The following RAB7A variants were observed in gnomAD, a reference collection of about 807,000 sequenced individuals.
The protein encoded by RAB7A is RAB7A, member RAS oncogene family, also known as ras-related protein Rab-7a.
In RAB7A, 2 loss-of-function variants were observed where a neutral mutation model predicts 24.5. The observed-to-expected ratio is 0.08, with a 90% CI of 0.03 to 0.26. The LOEUF (loss-of-function observed/expected upper bound fraction) is 0.26. Ranked by LOEUF, RAB7A falls within the 10% of genes least tolerant of loss-of-function variation. The probability of loss-of-function intolerance (pLI) is 1.00; values close to 1 mark genes in which losing one functional copy is unlikely to be tolerated. For synonymous variants in RAB7A, 100 were observed against 95.9 expected, an observed-to-expected ratio of 1.04 and a Z score of -0.25; for missense variants, 118 against 255.7, an observed-to-expected ratio of 0.46 and a Z score of 3.67.
chr3:128,807,007 CTT>C (rs1325737817), intron 4 of RAB7A, among the ~76,000 whole-genome samples: 1 of 152,224 alleles, frequency 6.6e-6, no homozygotes, highest in African/African-American at 2.4e-5. Flanking sequence ...AACATAGACT[CTT>C]TGATTAATTA....
intron 1 of RAB7A, among the ~76,000 whole-genome samples, chr3:128,781,513 T>A (rs1933221265): frequency 6.6e-6 from 1 of 151,162 alleles, no homozygotes; most frequent in East Asian, 2.0e-4. Flanking sequence ...TACCAAAAAA[T>A]TTTTCAAAAA....
chr3:128,791,312 T>C (rs1933448066), intron 1 of RAB7A, among the ~76,000 whole-genome samples: 1 of 152,170 alleles, frequency 6.6e-6, no homozygotes, highest in African/African-American at 2.4e-5. Context: ...GCTAATTTTT[T>C]GTATTTTTGG....
chr3:128,787,539 T>C (rs1461049378), intron 1 of RAB7A, among the ~76,000 whole-genome samples: 1 of 152,236 alleles, frequency 6.6e-6, no homozygotes, highest in Non-Finnish European at 1.5e-5. Flanking sequence ...GCTCTGCCAC[T>C]TCGTTGCTGT....
chr3:128,763,208 A>ATATATATATT (rs373993932), intron 1 of RAB7A, among the ~76,000 whole-genome samples: 8 of 76,106 alleles, frequency 1.1e-4, no homozygotes, highest in African/African-American at 5.7e-4. Flanking sequence ...ATATATATAT[A>ATATATATATT]TTTTTTTTTT....
At chr3:128,759,902 G>C (rs2107595676) in intron 1 of RAB7A, among the ~76,000 whole-genome samples, 1 of 152,166 alleles carries the variant, frequency 6.6e-6, no homozygotes, top group African/African-American at 2.4e-5. Flanking sequence ...TAGAGACGGG[G>C]TTTCTCCATA....
At chr3:128,746,655 A>G (rs572704755) in intron 1 of RAB7A, among the ~76,000 whole-genome samples, 1 of 151,998 alleles carries the variant, frequency 6.6e-6, no homozygotes, top group East Asian at 1.9e-4. Context: ...CAGCCTCCCG[A>G]GTAGCTGGGA....
At chr3:128,727,177 T>A (rs2070388649) in intron 1 of RAB7A, among the ~76,000 whole-genome samples, 1 of 152,198 alleles carries the variant, frequency 6.6e-6, no homozygotes, top group African/African-American at 2.4e-5. Context: ...GGCAAGACCT[T>A]TTAACAGATC....
chr3:128,771,073 G>T (rs2070880864), intron 1 of RAB7A, among the ~76,000 whole-genome samples: 1 of 151,786 alleles, frequency 6.6e-6, no homozygotes, highest in African/African-American at 2.4e-5. Context: ...GGGTTCAAGC[G>T]ATTTTCCCAC....
chr3:128,803,947 G>T (rs1933749861), intron 3 of RAB7A, among the ~76,000 whole-genome samples: 2 of 152,142 alleles, frequency 1.3e-5, no homozygotes, highest in African/African-American at 2.4e-5. Context: ...AAAACATTTT[G>T]AAACAAGCAG....
At chr3:128,742,264 C>A (rs1305955741) in intron 1 of RAB7A, among the ~76,000 whole-genome samples, 1 of 152,122 alleles carries the variant, frequency 6.6e-6, no homozygotes, top group African/African-American at 2.4e-5. Context: ...AGGAGTGAAG[C>A]TGCAGACCTT....
chr3:128,726,717 A>G (rs904640743), intron 1 of RAB7A, among the ~76,000 whole-genome samples: 1 of 152,088 alleles, frequency 6.6e-6, no homozygotes, highest in Admixed American at 6.5e-5. Context: ...CGCGGCGAGC[A>G]GGAGGGTGTC....
intron 1 of RAB7A, among the ~76,000 whole-genome samples, chr3:128,772,529 T>A (rs1288253455): frequency 2.0e-5 from 3 of 152,224 alleles, no homozygotes; most frequent in Non-Finnish European, 4.4e-5. Flanking sequence ...TTATGCCTAA[T>A]CTGTTAGTGT....
chr3:128,813,285 C>G (rs1429289453), intron 5 of RAB7A, 42 bp from the exon 6 acceptor site: 2 of 1,568,138 alleles, frequency 1.3e-6, no homozygotes, highest in Non-Finnish European at 1.8e-6. Context: ...TGAAATGTTT[C>G]TATTCCCTGA....
intron 5 of RAB7A, among the ~76,000 whole-genome samples, 185 bp from the exon 6 acceptor site, chr3:128,813,142 C>T (rs887234496): frequency 1.3e-5 from 2 of 152,224 alleles, no homozygotes; most frequent in Non-Finnish European, 2.9e-5. Flanking sequence ...TCTCTTGCTA[C>T]TCCCCTGAGC....
In RAB7A at chr3:128,803,730, A is replaced by C. The variant is rs189929265; in HGVS notation, c.181-2642A>C. Reference sequence around the variant, plus strand: ...AACTGTTAACTTTTGGGAATGAAAAAAGACAAGTTGCAAAAAGCTGTACAG... The same window carrying C: ...AACTGTTAACTTTTGGGAATGAAAACAGACAAGTTGCAAAAAGCTGTACAG... On this transcript the variant is annotated intron_variant, in intron 3 of 5. Transcript: ENST00000265062. Among the ~76,000 whole-genome samples the C allele has an allele frequency of 2.2e-3, 339 of 152,318 alleles. 3 individuals carry two copies. The highest frequency in any genetic ancestry group is 7.9e-3 in the African/African-American group (328 of 41,568).
At chr3:128,792,859 T>TCA (rs1406877239) in intron 1 of RAB7A, among the ~76,000 whole-genome samples, 61 of 147,958 alleles carry the variant, frequency 4.1e-4, no homozygotes, top group Non-Finnish European at 7.1e-4. Flanking sequence ...ATTTATTTAT[T>TCA]TATTCATTTG....
At chr3:128,747,554 C>T (rs1014911575) in intron 1 of RAB7A, among the ~76,000 whole-genome samples, 3 of 151,276 alleles carry the variant, frequency 2.0e-5, no homozygotes, top group African/African-American at 7.4e-5. Context: ...CCATTGCACT[C>T]CAGCCTGGGC....
At chr3:128,727,618 A>G (rs548701517) in intron 1 of RAB7A, among the ~76,000 whole-genome samples, 1 of 152,368 alleles carries the variant, frequency 6.6e-6, no homozygotes, top group South Asian at 2.1e-4. Flanking sequence ...AAAATTTTGC[A>G]GGTAGGCCTG....
At chr3:128,765,820 G>A (rs1037739026) in intron 1 of RAB7A, among the ~76,000 whole-genome samples, 2 of 150,370 alleles carry the variant, frequency 1.3e-5, no homozygotes, top group Non-Finnish European at 2.9e-5. Flanking sequence ...GGAGTACAAT[G>A]GCTCAGTCTC....
Sources: allele counts gnomAD v4.1 joint callset (sites outside exome capture counted in the v4.1 genomes callset), GRCh38; gene constraint gnomAD v4.1.1; transcripts MANE v1.5; gene names NCBI Gene and HGNC (gene_info 2026-07-23, HGNC 2026-07-21).